FAM90A9: variants seen among roughly 807,000 people sequenced by gnomAD.
The protein encoded by FAM90A9 is family with sequence similarity 90 member A9, also known as protein FAM90A9.
At chr8:7,763,766 CCA>C in the FAM90A9 span, 310 of 82,156 alleles carry the variant, frequency 3.8e-3, 1 homozygote, top group African/African-American at 0.015. Flanking sequence ...CCGCCAGCCG[CCA>C]CACACAGCTT....
chr8:7,763,866 AC>A, the FAM90A9 span: 1 of 66,176 alleles, frequency 1.5e-5, no homozygotes, highest in African/African-American at 6.1e-5. Flanking sequence ...TCCCCAAGAA[AC>A]CGAGACTGGG....
the FAM90A9 span, chr8:7,763,878 TC>T: frequency 6.2e-4 from 35 of 56,136 alleles, no homozygotes; most frequent in African/African-American, 2.5e-3. Context: ...CGAGACTGGG[TC>T]CCTTCCAGAT....
chr8:7,764,121 CAG>C, the FAM90A9 span: 1 of 181,514 alleles, frequency 5.5e-6, no homozygotes, highest in Non-Finnish European at 1.0e-5. Context: ...CCCAGCCTCT[CAG>C]AGTGCTCTTC....
Sources: gnomAD v4.1 joint callset for allele counts on GRCh38, gnomAD v4.1.1 for gene constraint, MANE v1.5 for transcripts, NCBI Gene and HGNC (gene_info 2026-07-23, HGNC 2026-07-21) for gene names.